Variants in SREBF2 observed in about 807,000 individuals in gnomAD.
The protein encoded by SREBF2 is sterol regulatory element binding transcription factor 2, also known as sterol regulatory element-binding protein 2.
Under a neutral mutation model 113.1 loss-of-function variants are expected in SREBF2, and 55 were observed. The ratio of observed to expected loss-of-function variants is 0.49; its 90% confidence interval spans 0.39 to 0.61. SREBF2 has a LOEUF of 0.61. SREBF2 is among the 20% of genes least tolerant of loss of function. The pLI is 0.00. For synonymous variants in SREBF2, 593 were observed against 605.7 expected, an observed-to-expected ratio of 0.98 and a Z score of 0.31; for missense variants, 1,349 against 1,487.4, an observed-to-expected ratio of 0.91 and a Z score of 1.53.
At position 41,873,879 on chromosome 22, in the gene SREBF2, C is replaced by G; in HGVS notation, c.949C>G (p.Pro317Ala). The G allele has an allele frequency of 6.2e-6, 10 of 1,613,948 alleles. No homozygotes were observed. Among genetic ancestry groups the G allele is most frequent in the Non-Finnish European group, 8.5e-6 (10 of 1,179,972 alleles). The part of the protein sequence containing the change: ...GQEKVPIKQV[P>A]GGVKQLEPPK... Reference sequence around the variant, plus strand: ...AGAGAAAGTGCCCATTAAGCAGGTACCTGGGGGAGTCAAGCAGCTTGAGCC... The same window carrying G: ...AGAGAAAGTGCCCATTAAGCAGGTAGCTGGGGGAGTCAAGCAGCTTGAGCC... The change falls in exon 5 of 19, where the codon CCT becomes GCT. Residue 317 changes from proline (P) to alanine (A), a missense_variant. Pro to Ala is a conservative substitution (Grantham distance 27, BLOSUM62 -1). Transcript: ENST00000361204.
chr22:41,900,279 A>C (rs764801977), intron 15 of SREBF2, 51 bp from the exon 16 acceptor site: 68 of 1,598,854 alleles, frequency 4.3e-5, no homozygotes, highest in Non-Finnish European at 5.8e-5. Flanking sequence ...TCTGCCTGTC[A>C]CGCAGGTGAC....
In SREBF2 at chr22:41,899,990, G is replaced by T. The variant is rs540102202; in HGVS notation, c.2739-340G>T. ...GGGGGGGTGGTCCCTTAAAGAACGGGTACAACACCTTATTGTGGCCACTTT... is the reference window on the plus strand; with the variant it reads ...GGGGGGGTGGTCCCTTAAAGAACGGTTACAACACCTTATTGTGGCCACTTT... On this transcript the variant is annotated intron_variant, in intron 15 of 18. Transcript: ENST00000361204. The T allele has an allele frequency of 8.5e-5, 106 of 1,239,964 alleles. 2 individuals are homozygous for T. The Admixed American group carries it at 9.7e-4, about 11-fold the overall frequency. The allele number at this position is 1,239,964 out of a possible 1,614,324, so 76.8% of individuals were successfully genotyped here.
chr22:41,848,130 T>A (rs930398790), intron 1 of SREBF2, among the ~76,000 whole-genome samples: 4 of 152,098 alleles, frequency 2.6e-5, no homozygotes, highest in African/African-American at 9.7e-5. Flanking sequence ...CTTTGAGTTT[T>A]AGGGTACATG....
At chr22:41,843,535 C>T (rs898519797) in intron 1 of SREBF2, among the ~76,000 whole-genome samples, 1 of 152,192 alleles carries the variant, frequency 6.6e-6, no homozygotes, top group Non-Finnish European at 1.5e-5. Flanking sequence ...GCATAGATCA[C>T]GTAGCTTGTA....
intron 2 of SREBF2, 90 bp from the exon 3 acceptor site, chr22:41,868,521 A>T (rs2077108307): frequency 7.0e-7 from 1 of 1,438,564 alleles, no homozygotes; most frequent in Non-Finnish European, 9.8e-7. Context: ...TGGAATCATT[A>T]TGAGATACTC....
chr22:41,851,192 T>C (rs894962408), intron 1 of SREBF2, among the ~76,000 whole-genome samples: 8 of 152,234 alleles, frequency 5.3e-5, no homozygotes, highest in Non-Finnish European at 1.0e-4. Flanking sequence ...TGGTAATATT[T>C]ATTCTGTAAA....
intron 13 of SREBF2, among the ~76,000 whole-genome samples, chr22:41,896,368 G>A (rs889547002): frequency 1.3e-5 from 2 of 151,944 alleles, no homozygotes; most frequent in Non-Finnish European, 2.9e-5. Flanking sequence ...TGTTTTTTGG[G>A]GGGTTTTTTG....
chr22:41,872,818 G>C (rs1352178721), intron 4 of SREBF2, among the ~76,000 whole-genome samples: 1 of 151,908 alleles, frequency 6.6e-6, no homozygotes. Context: ...TTGAACCAGG[G>C]GGGTGCAGGT....
intron 5 of SREBF2, among the ~76,000 whole-genome samples, chr22:41,874,675 A>C (rs1379072650): frequency 6.6e-6 from 1 of 152,254 alleles, no homozygotes; most frequent in Non-Finnish European, 1.5e-5. Context: ...TGGGAGGCTG[A>C]GGCGGGTGGA....
intron 15 of SREBF2, 174 bp from the exon 16 acceptor site, chr22:41,900,156 G>A: frequency 1.3e-6 from 2 of 1,501,150 alleles, no homozygotes; most frequent in Non-Finnish European, 1.8e-6. Flanking sequence ...CCTAGCTCAG[G>A]GCTGGCATTT....
intron 1 of SREBF2, among the ~76,000 whole-genome samples, chr22:41,840,510 A>G (rs2076819538): frequency 6.6e-6 from 1 of 152,334 alleles, no homozygotes; most frequent in Non-Finnish European, 1.5e-5. Flanking sequence ...TTCCTGAGAA[A>G]GAGTACATTT....
At chr22:41,854,742 G>T (rs1254526290) in intron 1 of SREBF2, among the ~76,000 whole-genome samples, 1 of 151,694 alleles carries the variant, frequency 6.6e-6, no homozygotes, top group Non-Finnish European at 1.5e-5. Flanking sequence ...GGTGGTACGT[G>T]CCTGTAATGC....
At chr22:41,850,621 G>A (rs556892028) in intron 1 of SREBF2, among the ~76,000 whole-genome samples, 4 of 152,320 alleles carry the variant, frequency 2.6e-5, no homozygotes, top group African/African-American at 9.6e-5. Flanking sequence ...TGTGGGTAGA[G>A]GAGAGACTCA....
intron 7 of SREBF2, 72 bp from the exon 8 acceptor site, chr22:41,877,157 T>C (rs2077203778): frequency 1.4e-6 from 2 of 1,407,162 alleles, no homozygotes; most frequent in Admixed American, 1.7e-5. Flanking sequence ...TCTCAATATA[T>C]ATATATGTAT....
chr22:41,890,287 C>T (rs73430976), intron 11 of SREBF2, among the ~76,000 whole-genome samples: 1,583 of 152,278 alleles, frequency 0.01, 23 homozygotes, highest in African/African-American at 0.037. Context: ...ATCACATCTC[C>T]AAAGGAAGCT....
chr22:41,881,023 C>T (rs2148396802), intron 10 of SREBF2, 31 bp downstream of exon 10: 1 of 1,598,794 alleles, frequency 6.3e-7, no homozygotes, highest in East Asian at 2.2e-5. Context: ...GCCTGGCTTG[C>T]TGCAAGGCAT....
intron 15 of SREBF2, among the ~76,000 whole-genome samples, chr22:41,899,754 G>A (rs902680932): frequency 2.6e-5 from 4 of 152,124 alleles, no homozygotes; most frequent in Non-Finnish European, 5.9e-5. Context: ...AAGTCACCTC[G>A]CTCCAGAGCA....
chr22:41,850,091 G>T (rs8143158), intron 1 of SREBF2, among the ~76,000 whole-genome samples: 4,571 of 152,002 alleles, frequency 0.03, 224 homozygotes, highest in African/African-American at 0.1. Context: ...AGTGAGCCGA[G>T]ATTACCCCAC....
At chr22:41,848,817 C>A (rs1024108138) in intron 1 of SREBF2, among the ~76,000 whole-genome samples, 1 of 152,056 alleles carries the variant, frequency 6.6e-6, no homozygotes, top group Non-Finnish European at 1.5e-5. Flanking sequence ...CCACCAAGAC[C>A]GCTTTTCAAG....
Sources: gnomAD v4.1 joint callset for allele counts (sites outside exome capture counted in the v4.1 genomes callset) on GRCh38, gnomAD v4.1.1 for gene constraint, MANE v1.5 for transcripts, NCBI Gene and HGNC (gene_info 2026-07-23, HGNC 2026-07-21) for gene names.